Variants in ZFHX3 observed in about 807,000 individuals in gnomAD.
The protein encoded by ZFHX3 is zinc finger homeobox 3, also known as zinc finger homeobox protein 3.
Under a neutral mutation model 279.1 loss-of-function variants are expected in ZFHX3, and 42 were observed. The observed-to-expected ratio is 0.15, with a 90% CI of 0.12 to 0.19. The LOEUF (loss-of-function observed/expected upper bound fraction) is 0.19. Among genes scored for constraint, ZFHX3 ranks in the 10% least tolerant of loss-of-function variants. The pLI is 1.00. For synonymous variants in ZFHX3, 2,293 were observed against 1,957.8 expected (o/e 1.17, Z -4.52); for missense variants, 4,981 against 4,754.0 (o/e 1.05, Z -1.40).
chr16:73,055,306 T>C (rs546296257), intron 1 of ZFHX3, among the ~76,000 whole-genome samples: 1 of 152,250 alleles, frequency 6.6e-6, no homozygotes, highest in South Asian at 2.1e-4. Flanking sequence ...GTGGGTTTTC[T>C]GTTGTTGCTG....
intron 1 of ZFHX3, among the ~76,000 whole-genome samples, chr16:73,739,132 C>T (rs1202882295): frequency 6.6e-6 from 1 of 152,212 alleles, no homozygotes; most frequent in African/African-American, 2.4e-5. Context: ...TCTCCAATGC[C>T]TAGACAACTA....
At chr16:73,689,610 A>G (rs2053126373) in intron 1 of ZFHX3, among the ~76,000 whole-genome samples, 1 of 152,172 alleles carries the variant, frequency 6.6e-6, no homozygotes, top group Non-Finnish European at 1.5e-5. Flanking sequence ...GGGAATGTGA[A>G]GTCAGAGAGG....
intron 1 of ZFHX3, among the ~76,000 whole-genome samples, chr16:73,750,897 T>C (rs898223134): frequency 2.0e-5 from 3 of 152,134 alleles, no homozygotes; most frequent in Non-Finnish European, 2.9e-5. Context: ...AAAATGAACA[T>C]AATTTGACTA....
chr16:73,812,807 C>T (rs887127622), intron 1 of ZFHX3, among the ~76,000 whole-genome samples: 2 of 152,186 alleles, frequency 1.3e-5, no homozygotes, highest in African/African-American at 4.8e-5. Flanking sequence ...CTTAAAGATC[C>T]ACTGGGCACA....
chr16:72,836,787 T>C (rs531128106), intron 4 of ZFHX3, among the ~76,000 whole-genome samples: 401 of 152,168 alleles, frequency 2.6e-3, no homozygotes, highest in Non-Finnish European at 2.4e-3. Flanking sequence ...GAGTGGGACA[T>C]ATTGAGCTAA....
intron 3 of ZFHX3, among the ~76,000 whole-genome samples, chr16:73,353,341 G>C (rs1559315): frequency 0.86 from 130,247 of 152,212 alleles, 56,248 homozygotes; most frequent in Non-Finnish European, 0.92. Context: ...AGCAAGGACT[G>C]CCATCCATTT....
At chr16:73,397,799 G>A (rs1267827179) in intron 3 of ZFHX3, among the ~76,000 whole-genome samples, 4 of 150,170 alleles carry the variant, frequency 2.7e-5, no homozygotes, top group Non-Finnish European at 4.4e-5. Flanking sequence ...GCAAGACTTT[G>A]GGGGGTCTTG....
intron 2 of ZFHX3, among the ~76,000 whole-genome samples, chr16:73,513,002 C>T (rs2019459211): frequency 6.6e-6 from 1 of 152,088 alleles, no homozygotes; most frequent in Admixed American, 6.6e-5. Flanking sequence ...AAGAGGGTTC[C>T]CTAGTTTCAA....
chr16:72,919,558 G>GT (rs1284264308), intron 3 of ZFHX3, among the ~76,000 whole-genome samples: 2 of 146,546 alleles, frequency 1.4e-5, no homozygotes, highest in Non-Finnish European at 1.6e-5. Flanking sequence ...AGAAAGATCT[G>GT]TTTTGTTTTT....
chr16:73,142,715 TA>T (rs1966850771), intron 6 of ZFHX3, among the ~76,000 whole-genome samples: 1 of 152,204 alleles, frequency 6.6e-6, no homozygotes, highest in Admixed American at 6.5e-5. Flanking sequence ...GATATGGTAA[TA>T]AAATGATAAA....
chr16:72,943,332 G>A (rs1444031217), intron 3 of ZFHX3, among the ~76,000 whole-genome samples: 1 of 152,128 alleles, frequency 6.6e-6, no homozygotes, highest in Non-Finnish European at 1.5e-5. Flanking sequence ...TCAGGAGTTT[G>A]AGACCAGCCT....
intron 1 of ZFHX3, among the ~76,000 whole-genome samples, chr16:73,841,291 G>C (rs1266150309): frequency 6.6e-6 from 1 of 152,082 alleles, no homozygotes; most frequent in Non-Finnish European, 1.5e-5. Flanking sequence ...TTTACTGGTT[G>C]CTGGGTATCC....
At chr16:73,160,772 CTTTTTT>C (rs200196890) in intron 5 of ZFHX3, among the ~76,000 whole-genome samples, 2 of 127,972 alleles carry the variant, frequency 1.6e-5, no homozygotes, top group African/African-American at 5.6e-5. Flanking sequence ...CTTTTCTCTT[CTTTTTT>C]TTTTTTTTTT....
At position 73,821,568 on chromosome 16, in the gene ZFHX3, T is replaced by G. The variant is rs139620617; in HGVS notation, c.-1608+70083A>C. Among the ~76,000 whole-genome samples, 5 of 152,364 alleles carry G rather than the reference T, an allele frequency of 3.3e-5. No individual in the cohort carries two copies. In the South Asian group the frequency reaches 8.3e-4, roughly 25 times the overall value. ...ACTGTTATGACAACTTGAGATAATG[T>G]ATCAAAGTGCACAGCGTGGTGCTGG... On this transcript the variant is annotated intron_variant, in intron 1 of 17. Coordinates refer to the ZFHX3 transcript ENST00000641206.
intron 3 of ZFHX3, among the ~76,000 whole-genome samples, chr16:73,339,695 A>G (rs1246826453): frequency 6.6e-6 from 1 of 152,182 alleles, no homozygotes; most frequent in Non-Finnish European, 1.5e-5. Flanking sequence ...TAGGAGGCCT[A>G]TGGTAATATT....
chr16:72,829,666 A>C, intron 5 of ZFHX3, 113 bp downstream of exon 5: 1 of 1,167,398 alleles, frequency 8.6e-7, no homozygotes, highest in Non-Finnish European at 1.3e-6. Context: ...TGGGCAGACT[A>C]AGGATGTATC....
At chr16:73,268,149 T>C (rs781608338) in intron 4 of ZFHX3, among the ~76,000 whole-genome samples, 5 of 152,340 alleles carry the variant, frequency 3.3e-5, no homozygotes, top group Admixed American at 6.5e-5. Flanking sequence ...ACTGAAATCA[T>C]ACTCTTCTTC....
chr16:73,871,472 C>G (rs1457652159), intron 1 of ZFHX3, among the ~76,000 whole-genome samples: 1 of 151,556 alleles, frequency 6.6e-6, no homozygotes. Context: ...ATTTTGCTCC[C>G]TGGGAGGACA....
rs539689585 is a variant in ZFHX3, at chr16:73,809,651, ATC to A, written c.-1608+81998_-1608+81999del. 4 of 152,274 alleles carry A rather than the reference ATC, an allele frequency of 2.6e-5. No individual in the cohort carries two copies. In the South Asian group the frequency reaches 8.3e-4, roughly 32 times the overall value. The allele number at this position is 152,274 out of a possible 1,614,324, so 9.4% of individuals were successfully genotyped here. A position where few individuals can be genotyped will look rare whatever the true frequency, so the allele number is the denominator to read the frequency against. ...GGTGGAAGGGTCTCAATACAGTTTC[ATC>A]TCTCTCATGCAACTCACCCTCATCA... On this transcript the variant is annotated intron_variant, in intron 1 of 17. Transcript: ENST00000641206.
Sources: allele counts gnomAD v4.1 joint callset (sites outside exome capture counted in the v4.1 genomes callset), GRCh38; gene constraint gnomAD v4.1.1; transcripts MANE v1.5; gene names NCBI Gene and HGNC (gene_info 2026-07-23, HGNC 2026-07-21).